Variants in FAT3 observed in about 807,000 individuals in gnomAD.
FAT3 encodes FAT atypical cadherin 3.
Under a neutral mutation model 310.2 loss-of-function variants are expected in FAT3, and 95 were observed. That is an observed-to-expected ratio of 0.31 (90% CI 0.26 to 0.36). FAT3 has a LOEUF of 0.36. Ranked by LOEUF, FAT3 falls within the 10% of genes least tolerant of loss-of-function variation. FAT3 has a pLI of 1.00. For synonymous variants in FAT3, 2,314 were observed against 2,192.9 expected (o/e 1.06, Z -1.54); for missense variants, 5,408 against 5,715.6 (o/e 0.95, Z 1.74).
At chr11:92,882,592 C>CCT (rs1555169710) in intron 23 of FAT3, 146 bp from the exon 24 acceptor site, 2 of 563,490 alleles carry the variant, frequency 3.5e-6, no homozygotes, top group African/African-American at 4.3e-5. Flanking sequence ...CCCTCCCCCC[C>CCT]CCCACCAACC....
At chr11:92,755,316 G>T (rs2136066431) in intron 4 of FAT3, among the ~76,000 whole-genome samples, 1 of 152,212 alleles carries the variant, frequency 6.6e-6, no homozygotes, top group Admixed American at 6.5e-5. Context: ...ACTGCCTCCT[G>T]GGTTCAAGTG....
At chr11:92,417,712 T>C (rs963168909) in intron 2 of FAT3, among the ~76,000 whole-genome samples, 1 of 152,220 alleles carries the variant, frequency 6.6e-6, no homozygotes, top group African/African-American at 2.4e-5. Flanking sequence ...GGAATTTTTT[T>C]AGTCTTAAAC....
At chr11:92,753,755 C>A (rs1472384299) in intron 4 of FAT3, among the ~76,000 whole-genome samples, 1 of 133,068 alleles carries the variant, frequency 7.5e-6, no homozygotes, top group Non-Finnish European at 1.6e-5. Flanking sequence ...GAAAAGAAGT[C>A]TTGGATAAAG....
chr11:92,662,692 T>G (rs1032314748), intron 3 of FAT3, among the ~76,000 whole-genome samples: 1 of 152,218 alleles, frequency 6.6e-6, no homozygotes, highest in African/African-American at 2.4e-5. Flanking sequence ...AGGGTCATGA[T>G]ACGTAGAGAA....
intron 2 of FAT3, among the ~76,000 whole-genome samples, chr11:92,519,340 A>G (rs1343017649): frequency 6.6e-6 from 1 of 152,112 alleles, no homozygotes; most frequent in Non-Finnish European, 1.5e-5. Context: ...ACATCTACAT[A>G]CAAAAAATAA....
intron 2 of FAT3, chr11:92,400,552 A>G (rs1288800957): frequency 2.6e-5 from 4 of 152,298 alleles, no homozygotes; most frequent in African/African-American, 9.6e-5. Context: ...AAAAGGTCAT[A>G]TCATTGCATA....
At chr11:92,767,941 C>T (rs775289541) in intron 6 of FAT3, among the ~76,000 whole-genome samples, 1 of 152,080 alleles carries the variant, frequency 6.6e-6, no homozygotes, top group Non-Finnish European at 1.5e-5. Flanking sequence ...CACTGTGCTA[C>T]TGGCCACGGC....
intron 7 of FAT3, among the ~76,000 whole-genome samples, chr11:92,779,832 A>T (rs1946696081): frequency 6.6e-6 from 1 of 152,156 alleles, no homozygotes; most frequent in African/African-American, 2.4e-5. Context: ...GCAAAAGGGT[A>T]AGTAAGAGAT....
intron 4 of FAT3, among the ~76,000 whole-genome samples, chr11:92,753,011 T>C (rs557723920): frequency 2.6e-4 from 39 of 152,326 alleles, no homozygotes; most frequent in Admixed American, 2.3e-3. Context: ...TATATTTAAG[T>C]ATTTTTATAA....
intron 3 of FAT3, among the ~76,000 whole-genome samples, chr11:92,695,931 C>T (rs771565606): frequency 2.0e-5 from 3 of 152,058 alleles, no homozygotes; most frequent in Non-Finnish European, 2.9e-5. Context: ...AGTGTAGTAA[C>T]GTACAGCTTG....
intron 2 of FAT3, among the ~76,000 whole-genome samples, chr11:92,397,235 G>A (rs1009988878): frequency 1.3e-5 from 2 of 152,054 alleles, no homozygotes; most frequent in Non-Finnish European, 2.9e-5. Context: ...TGCGATTTTT[G>A]GGGGGAGTTG....
intron 3 of FAT3, among the ~76,000 whole-genome samples, chr11:92,555,873 T>C (rs1042165019): frequency 3.9e-5 from 6 of 152,234 alleles, no homozygotes; most frequent in African/African-American, 1.4e-4. Context: ...TATAGCCTAT[T>C]GGTTAAGAGT....
At chr11:92,553,673 GTCCCTTCC>G (rs1229796114) in intron 3 of FAT3, among the ~76,000 whole-genome samples, 1 of 17,238 alleles carries the variant, frequency 5.8e-5, no homozygotes, top group African/African-American at 9.4e-5. Flanking sequence ...TAGAATCTCC[GTCCCTTCC>G]TTCCTTCCTT....
chr11:92,338,849 C>G (rs1948164254), intron 1 of FAT3, among the ~76,000 whole-genome samples: 1 of 151,984 alleles, frequency 6.6e-6, no homozygotes, highest in Non-Finnish European at 1.5e-5. Context: ...GGTGATGGAT[C>G]CTTAATTATC....
chr11:92,701,552 T>C (rs1461254313), intron 4 of FAT3, among the ~76,000 whole-genome samples: 1 of 152,240 alleles, frequency 6.6e-6, no homozygotes, highest in African/African-American at 2.4e-5. Flanking sequence ...TTTGGAAGTC[T>C]GTTATGTGAA....
At chr11:92,229,491 T>TTTTTTTTTTTTTTTTTTTTC (rs1864065177) in intron 1 of FAT3, among the ~76,000 whole-genome samples, 1 of 67,472 alleles carries the variant, frequency 1.5e-5, no homozygotes, top group Non-Finnish European at 3.0e-5. Flanking sequence ...TGTTTTTTCG[T>TTTTTTTTTTTTTTTTTTTTC]GTTTTTTTTT....
chr11:92,454,838 A>ACTTTTTTTTTCCACGTGC (rs1951455686), intron 2 of FAT3, among the ~76,000 whole-genome samples: 1 of 152,150 alleles, frequency 6.6e-6, no homozygotes, highest in Non-Finnish European at 1.5e-5. Flanking sequence ...CTTAACATTT[A>ACTTTTTTTTTCCACGTGC]CTTTTTTTTT....
At chr11:92,234,582 C>G (rs974290232) in intron 1 of FAT3, among the ~76,000 whole-genome samples, 1 of 151,808 alleles carries the variant, frequency 6.6e-6, no homozygotes, top group Non-Finnish European at 1.5e-5. Flanking sequence ...GCCTGGCCAA[C>G]ATATAGTGAA....
intron 3 of FAT3, among the ~76,000 whole-genome samples, chr11:92,693,573 C>T (rs1004177884): frequency 6.6e-6 from 1 of 152,180 alleles, no homozygotes; most frequent in African/African-American, 2.4e-5. Context: ...AGAGGTAGCA[C>T]TGGTCATTTT....
Sources: gnomAD v4.1 joint callset for allele counts (sites outside exome capture counted in the v4.1 genomes callset) on GRCh38, gnomAD v4.1.1 for gene constraint, MANE v1.5 for transcripts, NCBI Gene and HGNC (gene_info 2026-07-23, HGNC 2026-07-21) for gene names.